The following NFAT5 variants were observed in gnomAD, a reference collection of about 807,000 sequenced individuals.
NFAT5 encodes the protein nuclear factor of activated T cells 5, also known as nuclear factor of activated T-cells 5.
A neutral mutation model predicts 166.5 loss-of-function variants in NFAT5; 31 were observed. That is an observed-to-expected ratio of 0.19 (90% CI 0.14 to 0.25). The LOEUF (loss-of-function observed/expected upper bound fraction) is 0.25, where lower values mean the gene tolerates loss of function less well. Ranked by LOEUF, NFAT5 falls within the 10% of genes least tolerant of loss-of-function variation. NFAT5 has a pLI of 1.00. For synonymous variants in NFAT5, 612 were observed against 639.7 expected (o/e 0.96, Z 0.65); for missense variants, 1,449 against 1,821.8 (o/e 0.80, Z 3.72).
intron 9 of NFAT5, among the ~76,000 whole-genome samples, chr16:69,674,975 T>A (rs544024328): frequency 3.3e-5 from 5 of 152,316 alleles, no homozygotes; most frequent in African/African-American, 1.2e-4. Context: ...TATCCCTAGC[T>A]CAGTGATAGT....
chr16:69,663,091 T>G (rs765321236), intron 7 of NFAT5, among the ~76,000 whole-genome samples: 1 of 151,698 alleles, frequency 6.6e-6, no homozygotes, highest in Non-Finnish European at 1.5e-5. Context: ...GAATGGGAGA[T>G]AGAAGGAAAC....
At chr16:69,655,889 GTATTT>G in intron 6 of NFAT5, 90 bp downstream of exon 6, 2 of 918,104 alleles carry the variant, frequency 2.2e-6, no homozygotes, top group Non-Finnish European at 3.1e-6. Flanking sequence ...GATTTTTTGC[GTATTT>G]TATTAAAATG....
chr16:69,669,829 C>A, intron 7 of NFAT5, 148 bp from the exon 8 acceptor site: 1 of 662,474 alleles, frequency 1.5e-6, no homozygotes, highest in Non-Finnish European at 2.4e-6. Flanking sequence ...AGAATTATAG[C>A]CTTTCCAGAT....
intron 9 of NFAT5, among the ~76,000 whole-genome samples, chr16:69,675,669 C>T (rs920043424): frequency 6.6e-6 from 1 of 151,968 alleles, no homozygotes; most frequent in African/African-American, 2.4e-5. Context: ...GACAGAGTTA[C>T]GCTCTTGTTG....
chr16:69,616,940 CTTTT>C (rs61025944), intron 2 of NFAT5, among the ~76,000 whole-genome samples: 1 of 129,942 alleles, frequency 7.7e-6, no homozygotes, highest in African/African-American at 2.8e-5. Context: ...GTCCAAAGTT[CTTTT>C]TTTTTTTTTT....
intron 2 of NFAT5, among the ~76,000 whole-genome samples, chr16:69,615,661 G>T (rs375119549): frequency 6.6e-6 from 1 of 152,088 alleles, no homozygotes; most frequent in East Asian, 1.9e-4. Context: ...ATGCAATACC[G>T]TAGGGTTCCT....
At chr16:69,576,973 A>C (rs181305399) in intron 2 of NFAT5, among the ~76,000 whole-genome samples, 2 of 152,340 alleles carry the variant, frequency 1.3e-5, no homozygotes, top group East Asian at 3.9e-4. Context: ...TATTTCTGCT[A>C]GTATGTTTCA....
At chr16:69,587,242 AT>A (rs11289892) in intron 2 of NFAT5, among the ~76,000 whole-genome samples, 80,758 of 146,658 alleles carry the variant, frequency 0.55, 23,144 homozygotes, top group East Asian at 0.81. Context: ...AATTTTTTGT[AT>A]TTTTTTTTTT....
rs1369762684 is a variant in NFAT5 at position 69,656,258 on chromosome 16, G to T, written c.1196+459G>T. On this transcript the variant is annotated intron_variant, in intron 6 of 14. Transcript: ENST00000349945. ...ATTGTGCCACTGCCCTCCAAGCTGG[G>T]CAACAAAGCGAGACTCTGTCTCACA... Among the ~76,000 whole-genome samples the T allele has an allele frequency of 2.9e-5, 4 of 138,796 alleles. No homozygotes were observed. The East Asian group carries it at 6.4e-4, about 22-fold the overall frequency. 91.1% of individuals were successfully genotyped at this position (138,796 alleles called of 152,430 possible).
Position 69,588,937 on chromosome 16 carries a change from G to GCCT in NFAT5, c.127+20389_127+20390insCCT, listed in dbSNP as rs2032273255. The stretch of plus-strand genomic sequence containing the variant: ...AAGAAAGACCAGGGCATTACATGCA[G>GCCT]GGTCCTTCTTGGTGTTGGACCCTCC... On this transcript the variant is annotated intron_variant, in intron 2 of 14. Coordinates refer to ENST00000349945, the MANE Select transcript of NFAT5 (RefSeq NM_138713.4). Among the ~76,000 whole-genome samples the GCCT allele has an allele frequency of 2.0e-5, 3 of 149,788 alleles. No individual in the cohort carries two copies. In the South Asian group the frequency reaches 6.3e-4, roughly 32 times the overall value.
chr16:69,583,141 A>C (rs1179879557), intron 2 of NFAT5, among the ~76,000 whole-genome samples: 1 of 151,604 alleles, frequency 6.6e-6, no homozygotes, highest in Non-Finnish European at 1.5e-5. Context: ...GGTTTGTCAA[A>C]ATTTAGGAAA....
Position 69,647,539 on chromosome 16 carries a change from T to G in NFAT5, c.765T>G (p.Leu255=), listed in dbSNP as rs769334057. 1 of 1,601,506 alleles carries G rather than the reference T, an allele frequency of 6.2e-7. No individual in the cohort carries two copies. The change falls in exon 4 of 15, where the codon CTT becomes CTG. Residue 255 remains leucine, a synonymous_variant. Transcript: ENST00000349945. The surrounding 1 kb of genome is among the most constrained non-coding windows in gnomAD (Gnocchi z 4.8). ...GTGCCAAAGCACCTCACTATGTGCT[T>G]TCTCAGCTTACCACGGACAACAAAG... ...ADSAKAPHYV[L]SQLTTDNKGN... is the part of the protein sequence containing the mutation.
At chr16:69,587,509 C>A (rs2032155518) in intron 2 of NFAT5, among the ~76,000 whole-genome samples, 3 of 151,954 alleles carry the variant, frequency 2.0e-5, no homozygotes, top group Non-Finnish European at 4.4e-5. Flanking sequence ...CCTACCTTAG[C>A]CTCCTAAGTA....
At position 69,632,634 on chromosome 16, in the gene NFAT5, T is replaced by C. The variant is rs2034770279; in HGVS notation, c.253+6106T>C. The C allele has an allele frequency of 2.6e-5, 4 of 152,238 alleles. No homozygotes were observed. The South Asian group carries it at 6.2e-4, about 24-fold the overall frequency. 9.4% of individuals were successfully genotyped at this position (152,238 alleles called of 1,614,324 possible). ...TTACGTTAGAAAGTATTTACAGTTA[T>C]ATAATGAGGATTTTCTTGAGTTGAC... On this transcript the variant is annotated intron_variant, in intron 3 of 14. Coordinates refer to ENST00000349945, the MANE Select transcript of NFAT5 (RefSeq NM_138713.4).
At position 69,691,730 on chromosome 16, in the gene NFAT5, G is replaced by T. The variant is rs1346508852; in HGVS notation, c.1924-19G>T. ...TAATGTTTATATATTCATAATATTT[G>T]GGGATTTTTATTTTTTAGACTACAA... On this transcript the variant is annotated intron_variant, in intron 12 of 14. Transcript: ENST00000349945. 1 of 1,568,696 alleles carries T rather than the reference G, an allele frequency of 6.4e-7. No individual in the cohort carries two copies. The highest frequency in any genetic ancestry group is 1.2e-5 in the South Asian group (1 of 84,764).
Position 69,647,343 on chromosome 16 carries a change from G to A in NFAT5, c.569G>A (p.Cys190Tyr). The A allele has an allele frequency of 6.2e-7, 1 of 1,614,202 alleles. No individual in the cohort carries two copies. The highest frequency in any genetic ancestry group is 8.5e-7 in the Non-Finnish European group (1 of 1,180,044). Residue 190 changes from cysteine to tyrosine, a missense_variant, in exon 4 of 15, where the codon TGC becomes TAC. Physicochemically the swap from Cys to Tyr is radical, Grantham distance 194 (BLOSUM62 -2). Around this residue, in one of 7 missense-constraint regions of NFAT5, gnomAD observed 115 missense variants for 177.1 expected, o/e 0.65. Coordinates refer to ENST00000349945, the MANE Select transcript of NFAT5 (RefSeq NM_138713.4). The surrounding 1 kb of genome is among the most constrained non-coding windows in gnomAD (Gnocchi z 4.8). ...EGCGLESEQSCSMWMEDSPSN... is the reference protein window; with the variant it reads ...EGCGLESEQSYSMWMEDSPSN... ...TGTGGATTGGAATCTGAGCAGAGCT[G>A]CAGTATGTGGATGGAGGATTCCCCC...
chr16:69,573,480 G>GA (rs2016559573), intron 2 of NFAT5, among the ~76,000 whole-genome samples: 1 of 151,964 alleles, frequency 6.6e-6, no homozygotes, highest in Admixed American at 6.6e-5. Context: ...ATAATCTATT[G>GA]AATTCTTTTC....
At chr16:69,668,664 A>T (rs1244016324) in intron 7 of NFAT5, among the ~76,000 whole-genome samples, 1 of 151,818 alleles carries the variant, frequency 6.6e-6, no homozygotes, top group African/African-American at 2.4e-5. Flanking sequence ...ATCATTCCTG[A>T]CTCTGAATTT....
rs945918292 is a variant in NFAT5, at chr16:69,588,980, C to CTTTTTTTTTTTTT, written c.127+20451_127+20463dup. 1.2e-3 allele frequency among the ~76,000 whole-genome samples: 40 copies of CTTTTTTTTTTTTT among 34,360 alleles called. 2 individuals carry two copies. Among genetic ancestry groups the CTTTTTTTTTTTTT allele is most frequent in the Non-Finnish European group, 1.8e-3 (29 of 15,878 alleles). The allele number at this position is 34,360 out of a possible 152,430, so 22.5% of individuals were successfully genotyped here. On this transcript the variant is annotated intron_variant, in intron 2 of 14. Transcript: ENST00000349945. ...GACCCTCCCTCCTCTTTTCCTACTT[C>CTTTTTTTTTTTTT]TTTTTTTTTTTTTTTTTTTTTTTTT...
Sources: allele counts gnomAD v4.1 joint callset (sites outside exome capture counted in the v4.1 genomes callset), GRCh38; gene constraint gnomAD v4.1.1; regional missense constraint gnomAD v4.1.1; non-coding constraint Gnocchi (gnomAD v3.1); transcripts MANE v1.5; gene names NCBI Gene and HGNC (gene_info 2026-07-23, HGNC 2026-07-21).